MROH1: variants seen among roughly 807,000 people sequenced by gnomAD.
MROH1 encodes maestro heat like repeat family member 1.
In MROH1, 117 loss-of-function variants were observed where a neutral mutation model predicts 116.5. The observed-to-expected ratio is 1.00, with a 90% confidence interval of 0.86 to 1.17. The LOEUF is 1.17. Ranked by LOEUF, MROH1 falls within the 50% of genes most tolerant of loss-of-function variation. The pLI is 0.00. For synonymous variants in MROH1, 921 were observed against 583.9 expected, an observed-to-expected ratio of 1.58 and a Z score of -8.32; for missense variants, 1,873 against 1,338.5, an observed-to-expected ratio of 1.40 and a Z score of -6.23.
At chr8:144,179,035 C>T (rs929713282) in intron 4 of MROH1, among the ~76,000 whole-genome samples, 3 of 151,896 alleles carry the variant, frequency 2.0e-5, no homozygotes, top group African/African-American at 7.3e-5. Context: ...GGGGAGGGGC[C>T]GTTGGATACA....
At position 144,192,411 on chromosome 8, in the gene MROH1, G is replaced by C. The variant is rs770013484; in HGVS notation, c.948+10G>C. The C allele has an allele frequency of 5.1e-6, 8 of 1,569,354 alleles. No homozygotes were observed. Among genetic ancestry groups the C allele is most frequent in the Non-Finnish European group, 5.2e-6 (6 of 1,162,540 alleles). Reference sequence around the variant, plus strand: ...TGCACTGCACTCCCAGGTAGGAGGCGGGCGTCAGGGGGCGGGTCCAGGTTC... The same window carrying C: ...TGCACTGCACTCCCAGGTAGGAGGCCGGCGTCAGGGGGCGGGTCCAGGTTC... On this transcript the variant is annotated intron_variant, in intron 10 of 43. Transcript: ENST00000326134.
At chr8:144,239,228 C>T in intron 16 of MROH1, 49 bp downstream of exon 16, 1 of 760,434 alleles carries the variant, frequency 1.3e-6, no homozygotes, top group Non-Finnish European at 2.4e-6. Flanking sequence ...CCCACTTCCC[C>T]ACTCCTGCCC....
At chr8:144,218,667 TCCCG>T (rs1835827036) in intron 12 of MROH1, among the ~76,000 whole-genome samples, 1 of 60,278 alleles carries the variant, frequency 1.7e-5, no homozygotes, top group African/African-American at 6.4e-5. Flanking sequence ...TCCTCTCCCC[TCCCG>T]TCCCCTCTCC....
chr8:144,234,771 G>A (rs1413938506), intron 14 of MROH1, among the ~76,000 whole-genome samples: 6 of 150,142 alleles, frequency 4.0e-5, no homozygotes, highest in Non-Finnish European at 8.9e-5. Context: ...ACCCACCTTG[G>A]CCTCCTTAAG....
intron 33 of MROH1, among the ~76,000 whole-genome samples, chr8:144,254,113 T>C (rs1165095364): frequency 6.6e-6 from 1 of 152,218 alleles, no homozygotes; most frequent in Non-Finnish European, 1.5e-5. Flanking sequence ...TCCCTTATTC[T>C]GTCCTCTGCC....
At chr8:144,260,437 C>G in intron 39 of MROH1, 63 bp downstream of exon 39, 1 of 700,420 alleles carries the variant, frequency 1.4e-6, no homozygotes, top group Non-Finnish European at 2.6e-6. Context: ...TTACTCTGAG[C>G]TTTAGCCCCA....
Position 144,243,960 on chromosome 8 carries a change from T to C in MROH1, c.2555+18T>C. 1 of 779,220 alleles carries C rather than the reference T, an allele frequency of 1.3e-6. No homozygotes were observed. Among genetic ancestry groups the C allele is most frequent in the African/African-American group, 1.7e-5 (1 of 59,242 alleles). 48.3% of individuals were successfully genotyped at this position (779,220 alleles called of 1,614,324 possible). On this transcript the variant is annotated intron_variant, in intron 26 of 43. Coordinates refer to ENST00000326134, the MANE Select transcript of MROH1 (RefSeq NM_032450.3). ...TACTTGGTGTATCCTTTCCTGCCTC[T>C]GCACAGGCCCGTGCAGCTGCGTGTG...
At chr8:144,247,839 G>A (rs1173942493) in intron 31 of MROH1, among the ~76,000 whole-genome samples, 160 bp downstream of exon 31, 4 of 152,264 alleles carry the variant, frequency 2.6e-5, no homozygotes, top group Non-Finnish European at 5.9e-5. Flanking sequence ...TGCCGGCGCT[G>A]CCCTGCGCTG....
At position 144,244,212 on chromosome 8, in the gene MROH1, T is replaced by C. The variant is rs1049621857; in HGVS notation, c.2556-10T>C. On this transcript the variant is annotated splice_polypyrimidine_tract_variant and intron_variant, in intron 26 of 43. Transcript: ENST00000326134. ...GGATCATTGTCTGGGGCCCTTAACT[T>C]GCCTCTCAGCTCCGTGGAGCCAGCG... 246 of 717,236 alleles carry C rather than the reference T, an allele frequency of 3.4e-4. 1 individual carries two copies. Among genetic ancestry groups the C allele is most frequent in the Admixed American group, 1.9e-3 (94 of 50,010 alleles). 44.4% of individuals were successfully genotyped at this position (717,236 alleles called of 1,614,324 possible).
At chr8:144,225,464 T>C (rs1288901185) in intron 14 of MROH1, among the ~76,000 whole-genome samples, 1 of 152,050 alleles carries the variant, frequency 6.6e-6, no homozygotes, top group Non-Finnish European at 1.5e-5. Context: ...CCTCTGCTCC[T>C]GCCCATAGAC....
chr8:144,153,978 T>C (rs1012614291), intron 1 of MROH1, among the ~76,000 whole-genome samples: 97 of 152,302 alleles, frequency 6.4e-4, no homozygotes, highest in African/African-American at 2.2e-3. Context: ...GCCAGGATGG[T>C]CTCGATCTCT....
intron 12 of MROH1, among the ~76,000 whole-genome samples, chr8:144,203,664 C>T (rs1005849824): frequency 3.9e-5 from 6 of 152,100 alleles, no homozygotes; most frequent in Non-Finnish European, 8.8e-5. Flanking sequence ...GGAAGGGAGC[C>T]TCAGAGGCAT....
chr8:144,202,382 C>T (rs1401782167), intron 12 of MROH1, among the ~76,000 whole-genome samples: 2 of 146,744 alleles, frequency 1.4e-5, no homozygotes, highest in Admixed American at 1.3e-4. Flanking sequence ...GAAGCGCAGG[C>T]TCTCTGTGGA....
At chr8:144,172,120 A>G (rs537763309) in intron 4 of MROH1, among the ~76,000 whole-genome samples, 1 of 152,332 alleles carries the variant, frequency 6.6e-6, no homozygotes, top group African/African-American at 2.4e-5. Flanking sequence ...CCCAAAATCT[A>G]TTCTTGACAT....
chr8:144,188,423 C>T (rs1456378785), intron 7 of MROH1, among the ~76,000 whole-genome samples: 7 of 150,428 alleles, frequency 4.7e-5, no homozygotes, highest in Non-Finnish European at 7.4e-5. Flanking sequence ...TCACAGCAGC[C>T]CTGGGTCAGG....
intron 5 of MROH1, among the ~76,000 whole-genome samples, 175 bp from the exon 6 acceptor site, chr8:144,179,975 ACCTCTCACCAGGGCTCTGCTGCTCCTGC>A (rs1825155595): frequency 2.0e-4 from 2 of 10,216 alleles, no homozygotes; most frequent in Non-Finnish European, 4.0e-3. Context: ...GCAGCCCCTC[ACCTCTCACCAGGGCTCTGCTGCTCCTGC>A]GTGTGGGGTC....
chr8:144,257,389 A>G (rs995064399), intron 35 of MROH1, among the ~76,000 whole-genome samples: 2 of 152,068 alleles, frequency 1.3e-5, no homozygotes, highest in African/African-American at 2.4e-5. Context: ...ACAGTGGTAT[A>G]CTGGGAGCAG....
At chr8:144,200,650 C>G (rs6558320) in intron 12 of MROH1, 109 bp downstream of exon 12, 810,431 of 813,098 alleles carry the variant, frequency 1, 403,927 homozygotes, top group East Asian at 1. Context: ...GCTTTGAATT[C>G]TCTAGAAAGA....
At chr8:144,181,308 A>AGGGGCCCGGTGAGGGGGGG (rs1825627879) in intron 7 of MROH1, among the ~76,000 whole-genome samples, 3 of 58,110 alleles carry the variant, frequency 5.2e-5, no homozygotes, top group South Asian at 5.9e-4. Flanking sequence ...GTGATGGGGG[A>AGGGGCCCGGTGAGGGGGGG]GGGGCCGGTG....
Sources: gnomAD v4.1 joint callset for allele counts (sites outside exome capture counted in the v4.1 genomes callset) on GRCh38, gnomAD v4.1.1 for gene constraint, MANE v1.5 for transcripts, NCBI Gene and HGNC (gene_info 2026-07-23, HGNC 2026-07-21) for gene names.